CDK13: variants seen among roughly 807,000 people sequenced by gnomAD.
CDK13 encodes cyclin-dependent kinase 13.
Under a neutral mutation model 137.6 loss-of-function variants are expected in CDK13, and 40 were observed. The ratio of observed to expected loss-of-function variants is 0.29; its 90% confidence interval spans 0.23 to 0.38. The LOEUF is 0.38. CDK13 is among the 10% of genes least tolerant of loss of function. The pLI is 1.00. For synonymous variants in CDK13, 869 were observed against 760.1 expected (o/e 1.14, Z -2.36); for missense variants, 1,704 against 1,951.8 (o/e 0.87, Z 2.39).
chr7:40,081,521 A>T (rs1786662695), intron 11 of CDK13, among the ~76,000 whole-genome samples: 1 of 152,198 alleles, frequency 6.6e-6, no homozygotes, highest in Admixed American at 6.5e-5. Context: ...TTTTATTCTA[A>T]TGTAAAGTAT....
intron 12 of CDK13, chr7:40,092,460 A>G: frequency 3.7e-6 from 1 of 273,584 alleles, no homozygotes; most frequent in Non-Finnish European, 7.0e-6. Flanking sequence ...CTTAGCTGTC[A>G]TCATTATCAT....
Position 39,950,841 on chromosome 7 carries a change from C to T in CDK13, c.200C>T (p.Ala67Val). ...CTCTTCCTGGCTGCTCCCGGCACGG[C>T]CGCCGCCGCAGCCGCCGCCGCCGCG... is the stretch of plus-strand genomic sequence containing the variant. Reference protein sequence around the residue: ...PLLFLAAPGTAAAAAAAAAAS... With the variant: ...PLLFLAAPGTVAAAAAAAAAS... The change falls in exon 1 of 14, where the codon GCC (alanine) becomes GTC (valine). Residue 67 changes from alanine to valine, a missense_variant. Around this residue, in one of 5 missense-constraint regions of CDK13, gnomAD observed 1,051 missense variants for 931.0 expected, o/e 1.13. Coordinates refer to ENST00000181839, the MANE Select transcript of CDK13 (RefSeq NM_003718.5). 2.2e-6 allele frequency: 3 copies of T among 1,381,442 alleles called. No individual in the cohort carries two copies. Among genetic ancestry groups the T allele is most frequent in the Non-Finnish European group, 2.8e-6 (3 of 1,078,170 alleles). The allele number at this position is 1,381,442 out of a possible 1,614,324, so 85.6% of individuals were successfully genotyped here.
At position 39,951,275 on chromosome 7, in the gene CDK13, C is replaced by T. The variant is rs1369087869; in HGVS notation, c.634C>T (p.Arg212Cys). 5.9e-6 allele frequency: 8 copies of T among 1,355,442 alleles called. No homozygotes were observed. The highest frequency in any genetic ancestry group is 7.5e-6 in the Non-Finnish European group (8 of 1,062,452). 84.0% of individuals were successfully genotyped at this position (1,355,442 alleles called of 1,614,324 possible). ...RRSSSGRSKERHREHRRRDGQ... is the reference protein window; with the variant it reads ...RRSSSGRSKECHREHRRRDGQ... ...CAGCAGCAGTGGCCGCAGCAAGGAGCGCCACCGCGAGCACCGGCGGCGGGA... is the reference window on the plus strand; with the variant it reads ...CAGCAGCAGTGGCCGCAGCAAGGAGTGCCACCGCGAGCACCGGCGGCGGGA... The change falls in exon 1 of 14, where the codon CGC becomes TGC. Residue 212 changes from arginine to cysteine, a missense_variant. By Grantham distance (180) the Arg-to-Cys change is radical. Around this residue, in one of 5 missense-constraint regions of CDK13, gnomAD observed 1,051 missense variants for 931.0 expected, o/e 1.13. Coordinates refer to ENST00000181839, the MANE Select transcript of CDK13 (RefSeq NM_003718.5).
chr7:40,078,714 T>C lies in CDK13; in HGVS notation c.2898-6T>C, dbSNP rs1035928188. 6.8e-7 allele frequency: 1 copy of C among 1,478,854 alleles called. No homozygotes were observed. 91.6% of individuals were successfully genotyped at this position (1,478,854 alleles called of 1,614,324 possible). A position where few individuals can be genotyped will look rare whatever the true frequency, so the allele number is the denominator to read the frequency against. On this transcript the variant is annotated splice_polypyrimidine_tract_variant and splice_region_variant and intron_variant, in intron 10 of 13. Transcript: ENST00000181839. ...ACATCTAACTTTTGTAATCCTCTCA[T>C]GCTAGTATTCCTGCAGCTGCGCTAG... is the stretch of plus-strand genomic sequence containing the variant.
chr7:39,959,799 ATTAAC>A lies in CDK13; in HGVS notation c.1211+7950_1211+7954del, dbSNP rs538129866. Among the ~76,000 whole-genome samples, 36 of 149,672 alleles carry A rather than the reference ATTAAC, an allele frequency of 2.4e-4. No individual in the cohort carries two copies. In the South Asian group the frequency reaches 6.9e-3, roughly 29 times the overall value. Reference sequence around the variant, plus strand: ...AATTTCTTGATTTTTTTTTTTTTAAATTAACTTGCAAGACCTACTTGTGTGTTATA... The same window carrying A: ...AATTTCTTGATTTTTTTTTTTTTAAATTGCAAGACCTACTTGTGTGTTATA... On this transcript the variant is annotated intron_variant, in intron 1 of 13. Coordinates refer to ENST00000181839, the MANE Select transcript of CDK13 (RefSeq NM_003718.5).
chr7:39,954,955 T>G (rs1787363512), intron 1 of CDK13, among the ~76,000 whole-genome samples: 1 of 152,168 alleles, frequency 6.6e-6, no homozygotes, highest in African/African-American at 2.4e-5. Context: ...AAATAAATCC[T>G]TTTCATTTTA....
chr7:39,966,928 A>G (rs1196202255), intron 1 of CDK13, among the ~76,000 whole-genome samples: 2 of 152,004 alleles, frequency 1.3e-5, no homozygotes, highest in Admixed American at 1.3e-4. Flanking sequence ...AGACCAGCGG[A>G]TATTGTTGAA....
chr7:39,962,998 C>T (rs758980351), intron 1 of CDK13, among the ~76,000 whole-genome samples: 6 of 152,158 alleles, frequency 3.9e-5, no homozygotes, highest in Non-Finnish European at 5.9e-5. Context: ...TGTTTTAGTA[C>T]CAGTACCATG....
chr7:40,082,113 G>A (rs181807959), intron 11 of CDK13, among the ~76,000 whole-genome samples: 7 of 152,244 alleles, frequency 4.6e-5, no homozygotes, highest in African/African-American at 1.7e-4. Context: ...ATTAGCATTT[G>A]AGAATGTAAG....
rs1309122125 is a variant in CDK13 at position 39,958,693 on chromosome 7, G to GT, written c.1211+6851dup. The stretch of plus-strand genomic sequence containing the variant: ...TCCACTTTGATAAATTCTTAGTTTT[G>GT]TTTTTTTTTTAATTTTTGCTATGTG... On this transcript the variant is annotated intron_variant, in intron 1 of 13. Transcript: ENST00000181839. Among the ~76,000 whole-genome samples, 1,290 of 143,466 alleles carry GT rather than the reference G, an allele frequency of 9.0e-3. 11 individuals are homozygous for GT. The highest frequency in any genetic ancestry group is 0.03 in the African/African-American group (1,186 of 38,976). The allele number at this position is 143,466 out of a possible 152,430, so 94.1% of individuals were successfully genotyped here.
intron 12 of CDK13, among the ~76,000 whole-genome samples, chr7:40,089,731 T>C (rs1051554160): frequency 1.0e-4 from 13 of 128,270 alleles, no homozygotes; most frequent in African/African-American, 3.4e-4. Context: ...AGAGTGTGTG[T>C]GTGTGTGTGT....
intron 5 of CDK13, among the ~76,000 whole-genome samples, chr7:40,018,513 C>A (rs557141033): frequency 6.6e-6 from 1 of 152,116 alleles, no homozygotes; most frequent in Non-Finnish European, 1.5e-5. Context: ...AACCTAAGTG[C>A]CCATCAGCTG....
At chr7:40,016,797 C>T (rs976955101) in intron 5 of CDK13, among the ~76,000 whole-genome samples, 13 of 151,882 alleles carry the variant, frequency 8.6e-5, no homozygotes, top group African/African-American at 9.7e-5. Flanking sequence ...GTAATTTAAA[C>T]GATACAAACT....
intron 5 of CDK13, among the ~76,000 whole-genome samples, chr7:40,017,104 G>C (rs1785020445): frequency 6.6e-6 from 1 of 152,116 alleles, no homozygotes. Context: ...CTGCAAAATA[G>C]ATATTTTTAT....
chr7:39,956,109 CAAAA>C (rs921820637), intron 1 of CDK13, among the ~76,000 whole-genome samples: 1 of 151,568 alleles, frequency 6.6e-6, no homozygotes, highest in Non-Finnish European at 1.5e-5. Flanking sequence ...AAAAAAAACT[CAAAA>C]AATATGCCAC....
At chr7:40,011,786 TG>T (rs1583985919) in intron 5 of CDK13, among the ~76,000 whole-genome samples, 2 of 152,250 alleles carry the variant, frequency 1.3e-5, no homozygotes, top group South Asian at 2.1e-4. Context: ...ATAGATAAAT[TG>T]AACTTCATCA....
chr7:40,018,035 TTTTAG>T (rs1562731001), intron 5 of CDK13, among the ~76,000 whole-genome samples: 1 of 151,998 alleles, frequency 6.6e-6, no homozygotes, highest in East Asian at 1.9e-4. Flanking sequence ...CTATAGCATA[TTTTAG>T]TTTCTGGTGG....
intron 9 of CDK13, among the ~76,000 whole-genome samples, chr7:40,077,662 C>T (rs974331335): frequency 1.3e-5 from 2 of 152,108 alleles, no homozygotes; most frequent in African/African-American, 4.8e-5. Context: ...CAAGACCAGC[C>T]TGGCCAACAT....
intron 5 of CDK13, among the ~76,000 whole-genome samples, chr7:40,019,832 G>T (rs1785075574): frequency 6.6e-6 from 1 of 152,106 alleles, no homozygotes; most frequent in Non-Finnish European, 1.5e-5. Flanking sequence ...AGAGATAAGG[G>T]CAGGGTTTAG....
Sources: allele counts gnomAD v4.1 joint callset (sites outside exome capture counted in the v4.1 genomes callset), GRCh38; gene constraint gnomAD v4.1.1; regional missense constraint gnomAD v4.1.1; transcripts MANE v1.5; gene names NCBI Gene and HGNC (gene_info 2026-07-23, HGNC 2026-07-21).